IL7R: variants seen among roughly 807,000 people sequenced by gnomAD.
IL7R encodes the protein interleukin 7 receptor.
IL7R carries 38 observed loss-of-function variants against 47.0 expected under a neutral mutation model. That is an observed-to-expected ratio of 0.81 (90% confidence interval 0.62 to 1.06). IL7R has a LOEUF of 1.06. IL7R is among the 50% of genes least tolerant of loss of function. IL7R has a pLI of 0.00. For missense variants in IL7R, 633 were observed against 534.8 expected, an observed-to-expected ratio of 1.18 and a Z score of -1.81; for synonymous variants, 221 against 199.8, an observed-to-expected ratio of 1.11 and a Z score of -0.89.
intron 2 of IL7R, among the ~76,000 whole-genome samples, chr5:35,861,532 AATAACG>A (rs1759818567): frequency 6.6e-6 from 1 of 152,182 alleles, no homozygotes; most frequent in Non-Finnish European, 1.5e-5. Context: ...TCGGCCAGTG[AATAACG>A]AGTAATGGGG....
In IL7R at chr5:35,867,430, C is replaced by G; in HGVS notation, c.346C>G (p.Leu116Val). ...NICVKVGEKSLTCKKIDLTTI... is the reference protein window; with the variant it reads ...NICVKVGEKSVTCKKIDLTTI... ...ATGTGTGAAGGTTGGAGAAAAGAGT[C>G]TAACCTGCAAAAAAATAGACCTAAC... is the stretch of plus-strand genomic sequence containing the variant. Residue 116 changes from leucine (L) to valine (V), a missense_variant, in exon 3 of 8, where the codon CTA (leucine) becomes GTA (valine). By Grantham distance (32) the Leu-to-Val change is conservative. Transcript: ENST00000303115. 1 of 1,613,216 alleles carries G rather than the reference C, an allele frequency of 6.2e-7. No individual in the cohort carries two copies. Among genetic ancestry groups the G allele is most frequent in the South Asian group, 1.1e-5 (1 of 91,038 alleles).
chr5:35,864,423 C>T (rs1759890270), intron 2 of IL7R, among the ~76,000 whole-genome samples: 1 of 152,172 alleles, frequency 6.6e-6, no homozygotes, highest in Non-Finnish European at 1.5e-5. Context: ...ATAAGGTAAG[C>T]ATGTATCTAA....
Position 35,860,748 on chromosome 5 carries a change from T to A in IL7R, c.83-104T>A, listed in dbSNP as rs1161467498. The stretch of plus-strand genomic sequence containing the variant: ...TTGAATACTACATAATCCATTACTA[T>A]TTCATGTCTGCCACAGAGTCTGCTA... On this transcript the variant is annotated intron_variant, in intron 1 of 7. Transcript: ENST00000303115. 4.3e-6 allele frequency: 5 copies of A among 1,156,544 alleles called. No homozygotes were observed. The South Asian group carries it at 4.9e-5, about 11-fold the overall frequency. 71.6% of individuals were successfully genotyped at this position (1,156,544 alleles called of 1,614,324 possible).
rs1394271696 is a variant in IL7R at position 35,878,892 on chromosome 5, ATGT to A, written c.*2411_*2413del. ...TCCAGCTCTAAAATCCTTTGTTTCAATGTTGTTTGGCATATGTTATCTTTGGAA... is the reference window on the plus strand; with the variant it reads ...TCCAGCTCTAAAATCCTTTGTTTCAATGTTTGGCATATGTTATCTTTGGAA... On this transcript the variant is annotated 3_prime_UTR_variant, in exon 8 of 8. Transcript: ENST00000303115. 8.6e-6 allele frequency: 2 copies of A among 232,820 alleles called. No homozygotes were observed. Among genetic ancestry groups the A allele is most frequent in the African/African-American group, 2.2e-5 (1 of 45,308 alleles). 14.4% of individuals were successfully genotyped at this position (232,820 alleles called of 1,614,324 possible).
chr5:35,860,431 G>A (rs1759771901), intron 1 of IL7R, among the ~76,000 whole-genome samples: 2 of 152,156 alleles, frequency 1.3e-5, no homozygotes, highest in Admixed American at 1.3e-4. Flanking sequence ...AGTGAAAAGT[G>A]AGATTAGGTA....
In IL7R at chr5:35,879,360, G is replaced by A. The variant is rs559913836; in HGVS notation, c.*2874G>A. 37 of 232,752 alleles carry A rather than the reference G, an allele frequency of 1.6e-4. No homozygotes were observed. Among genetic ancestry groups the A allele is most frequent in the African/African-American group, 5.3e-4 (24 of 45,444 alleles). The allele number at this position is 232,752 out of a possible 1,614,324, so 14.4% of individuals were successfully genotyped here. A position where few individuals can be genotyped will look rare whatever the true frequency, so the allele number is the denominator to read the frequency against. ...CTAGAGGGGCTAAGAGACTTGGTAC[G>A]GGCCAGGAAGAATATGTGGCAGAGC... On this transcript the variant is annotated 3_prime_UTR_variant, in exon 8 of 8. Coordinates refer to ENST00000303115, the MANE Select transcript of IL7R (RefSeq NM_002185.5).
Position 35,877,437 on chromosome 5 carries a change from T to G in IL7R, c.*951T>G, listed in dbSNP as rs527874301. 4.3e-6 allele frequency: 1 copy of G among 233,184 alleles called. No homozygotes were observed. Among genetic ancestry groups the G allele is most frequent in the South Asian group, 1.8e-4 (1 of 5,528 alleles). 14.4% of individuals were successfully genotyped at this position (233,184 alleles called of 1,614,324 possible). A position where few individuals can be genotyped will look rare whatever the true frequency, so the allele number is the denominator to read the frequency against. On this transcript the variant is annotated 3_prime_UTR_variant, in exon 8 of 8. Coordinates refer to ENST00000303115, the MANE Select transcript of IL7R (RefSeq NM_002185.5). ...TTCTGAAAATAGGCTCAAGAGGGAA[T>G]AAATTAGAAACTCACAATTTCTCTT...
intron 1 of IL7R, 48 bp from the exon 2 acceptor site, chr5:35,860,804 G>A: frequency 6.3e-7 from 1 of 1,587,660 alleles, no homozygotes. Flanking sequence ...ATTTCAAAAG[G>A]ATGCATTTAT....
chr5:35,876,092 C>T lies in IL7R; in HGVS notation c.986C>T (p.Pro329Leu), dbSNP rs747299332. 1.2e-6 allele frequency: 2 copies of T among 1,614,184 alleles called. No individual in the cohort carries two copies. Among genetic ancestry groups the T allele is most frequent in the South Asian group, 1.1e-5 (1 of 91,086 alleles). Reference protein sequence around the residue: ...EVEGFLQDTFPQQLEESEKQR... With the variant: ...EVEGFLQDTFLQQLEESEKQR... ...GAAGGTTTTCTGCAAGATACGTTTCCTCAGCAACTAGAAGAATCTGAGAAG... is the reference window on the plus strand; with the variant it reads ...GAAGGTTTTCTGCAAGATACGTTTCTTCAGCAACTAGAAGAATCTGAGAAG... The change falls in exon 8 of 8, where the codon CCT becomes CTT. Residue 329 changes from proline (P) to leucine (L), a missense_variant. Pro to Leu is a moderately conservative substitution (Grantham distance 98, BLOSUM62 -3). Coordinates refer to ENST00000303115, the MANE Select transcript of IL7R (RefSeq NM_002185.5).
intron 1 of IL7R, among the ~76,000 whole-genome samples, chr5:35,860,478 A>G (rs899778935): frequency 1.3e-5 from 2 of 152,200 alleles, no homozygotes; most frequent in African/African-American, 4.8e-5. Context: ...CTCTTCTTTG[A>G]AATAATATGA....
At chr5:35,875,864 T>C in intron 7 of IL7R, 119 bp from the exon 8 acceptor site, 7 of 1,126,566 alleles carry the variant, frequency 6.2e-6, no homozygotes, top group South Asian at 1.3e-5. Flanking sequence ...TTGAGGAACA[T>C]GCTGGCAATT....
At chr5:35,868,277 A>G (rs1759989100) in intron 3 of IL7R, among the ~76,000 whole-genome samples, 1 of 152,214 alleles carries the variant, frequency 6.6e-6, no homozygotes. Context: ...TACTTTTAGC[A>G]TTCCCTATTC....
chr5:35,877,158 A>G lies in IL7R; in HGVS notation c.*672A>G, dbSNP rs1760239979. 1 of 233,396 alleles carries G rather than the reference A, an allele frequency of 4.3e-6. No individual in the cohort carries two copies. The highest frequency in any genetic ancestry group is 2.2e-5 in the African/African-American group (1 of 45,338). The allele number at this position is 233,396 out of a possible 1,614,324, so 14.5% of individuals were successfully genotyped here. A position where few individuals can be genotyped will look rare whatever the true frequency, so the allele number is the denominator to read the frequency against. On this transcript the variant is annotated 3_prime_UTR_variant, in exon 8 of 8. Coordinates refer to ENST00000303115, the MANE Select transcript of IL7R (RefSeq NM_002185.5). ...GTCACTAGTAACAGGGTGTGCCTAG[A>G]TAATTTATGATCCAAACTGAGTCAG... is the stretch of plus-strand genomic sequence containing the variant.
Position 35,873,653 on chromosome 5 carries a change from G to C in IL7R, c.706+5G>C, listed in dbSNP as rs181084023. 8.1e-6 allele frequency: 13 copies of C among 1,613,402 alleles called. No homozygotes were observed. The Admixed American group carries it at 2.2e-4, about 27-fold the overall frequency. On this transcript the variant is annotated splice_donor_5th_base_variant and intron_variant, in intron 5 of 7. Transcript: ENST00000303115. Reference sequence around the variant, plus strand: ...CAGAGATCAATAATAGCTCAGGTAAGGAATGGTGGTAGAGTTTTTGTTCCC... The same window carrying C: ...CAGAGATCAATAATAGCTCAGGTAACGAATGGTGGTAGAGTTTTTGTTCCC...
chr5:35,862,432 C>T (rs1290845753), intron 2 of IL7R, among the ~76,000 whole-genome samples: 2 of 152,152 alleles, frequency 1.3e-5, no homozygotes, highest in African/African-American at 2.4e-5. Flanking sequence ...CATACTTACC[C>T]TTTAACATAT....
At chr5:35,875,412 A>C (rs573889015) in intron 6 of IL7R, 100 bp from the exon 7 acceptor site, 10 of 874,378 alleles carry the variant, frequency 1.1e-5, no homozygotes, top group Non-Finnish European at 1.9e-5. Flanking sequence ...CCAAGACTAG[A>C]AATCTGTTCT....
rs552630274 is a variant in IL7R, at chr5:35,867,321, G to C, written c.237G>C (p.Glu79Asp). 6.2e-7 allele frequency: 1 copy of C among 1,613,640 alleles called. No individual in the cohort carries two copies. Among genetic ancestry groups the C allele is most frequent in the Middle Eastern group, 1.7e-4 (1 of 6,056 alleles). Reference sequence around the variant, plus strand: ...ATTCCTACAGTGGGGCCCTCGTGGAGGTAAAGTGCCTGAATTTCAGGAAAC... The same window carrying C: ...ATTCCTACAGTGGGGCCCTCGTGGACGTAAAGTGCCTGAATTTCAGGAAAC... The part of the protein sequence containing the change: ...LEFEICGALV[E>D]VKCLNFRKLQ... The change falls in exon 3 of 8, where the codon GAG becomes GAC. Residue 79 changes from glutamate (E) to aspartate (D), a missense_variant. By Grantham distance (45) the Glu-to-Asp change is conservative (BLOSUM62 2). Transcript: ENST00000303115.
intron 1 of IL7R, among the ~76,000 whole-genome samples, chr5:35,858,766 C>G (rs963293809): frequency 1.3e-5 from 2 of 152,132 alleles, no homozygotes; most frequent in African/African-American, 4.8e-5. Flanking sequence ...CCTATTAAAT[C>G]CTTACTGTGT....
rs945245539 is a variant in IL7R at position 35,878,820 on chromosome 5, T to C, written c.*2334T>C. The C allele has an allele frequency of 4.3e-6, 1 of 232,914 alleles. No individual in the cohort carries two copies. The highest frequency in any genetic ancestry group is 8.5e-6 in the Non-Finnish European group (1 of 117,950). The allele number at this position is 232,914 out of a possible 1,614,324, so 14.4% of individuals were successfully genotyped here. A position where few individuals can be genotyped will look rare whatever the true frequency, so the allele number is the denominator to read the frequency against. The stretch of plus-strand genomic sequence containing the variant: ...TTGTATCCCTGGTATAAATAGACAA[T>C]CTCTTGAAGAAATGAAGAGATGACC... On this transcript the variant is annotated 3_prime_UTR_variant, in exon 8 of 8. Transcript: ENST00000303115.
Sources: gnomAD v4.1 joint callset for allele counts (sites outside exome capture counted in the v4.1 genomes callset) on GRCh38, gnomAD v4.1.1 for gene constraint, MANE v1.5 for transcripts, NCBI Gene and HGNC (gene_info 2026-07-23, HGNC 2026-07-21) for gene names.